The following CNTNAP2 variants were observed in gnomAD, a reference collection of about 807,000 sequenced individuals.
CNTNAP2 encodes the protein contactin associated protein 2, also known as contactin-associated protein-like 2.
CNTNAP2 carries 98 observed loss-of-function variants against 155.2 expected under a neutral mutation model. The ratio of observed to expected loss-of-function variants is 0.63; its 90% CI spans 0.54 to 0.75. The LOEUF (loss-of-function observed/expected upper bound fraction) is 0.75, where lower values mean the gene tolerates loss of function less well. CNTNAP2 is among the 30% of genes least tolerant of loss of function. The pLI, the probability that CNTNAP2 is intolerant of heterozygous loss-of-function variation, is 0.00. For synonymous variants in CNTNAP2, 651 were observed against 631.2 expected (o/e 1.03, Z -0.47); for missense variants, 1,727 against 1,688.1 (o/e 1.02, Z -0.40).
intron 10 of CNTNAP2, among the ~76,000 whole-genome samples, chr7:147,440,846 C>T (rs770781006): frequency 2.0e-5 from 3 of 152,040 alleles, no homozygotes; most frequent in Non-Finnish European, 4.4e-5. Flanking sequence ...ATTGGAGCTC[C>T]GTTGCATGTT....
At chr7:147,516,932 G>C (rs1418486655) in intron 11 of CNTNAP2, among the ~76,000 whole-genome samples, 3 of 149,560 alleles carry the variant, frequency 2.0e-5, no homozygotes, top group African/African-American at 7.5e-5. Context: ...CGCAATCTCG[G>C]CTCACTGCGA....
At chr7:146,533,262 T>A (rs1797797806) in intron 1 of CNTNAP2, among the ~76,000 whole-genome samples, 1 of 152,006 alleles carries the variant, frequency 6.6e-6, no homozygotes. Flanking sequence ...TCTATGCAAG[T>A]GGGAAATTTG....
chr7:147,655,682 C>A (rs996776816), intron 13 of CNTNAP2, among the ~76,000 whole-genome samples: 1 of 152,264 alleles, frequency 6.6e-6, no homozygotes, highest in South Asian at 2.1e-4. Flanking sequence ...GTCCTCCAAG[C>A]TTTGTTGTTC....
intron 6 of CNTNAP2, among the ~76,000 whole-genome samples, chr7:147,127,790 G>C (rs992415689): frequency 6.6e-6 from 1 of 152,074 alleles, no homozygotes; most frequent in African/African-American, 2.4e-5. Flanking sequence ...AAAAAAAATA[G>C]ATAATGGTAA....
intron 22 of CNTNAP2, among the ~76,000 whole-genome samples, chr7:148,398,414 A>AG (rs1483714015): frequency 6.6e-6 from 1 of 152,228 alleles, no homozygotes; most frequent in Non-Finnish European, 1.5e-5. Flanking sequence ...TGAGATACCG[A>AG]GGTTCCAGCA....
chr7:147,555,844 T>C (rs964479920), intron 11 of CNTNAP2, among the ~76,000 whole-genome samples: 2 of 152,216 alleles, frequency 1.3e-5, no homozygotes, highest in African/African-American at 4.8e-5. Flanking sequence ...ATCAGCGTCA[T>C]GGAACTCTAG....
chr7:148,106,347 A>G lies in CNTNAP2; in HGVS notation c.2384-11771A>G, dbSNP rs1191471796. Among the ~76,000 whole-genome samples, 5 of 151,362 alleles carry G rather than the reference A, an allele frequency of 3.3e-5. No homozygotes were observed. The East Asian group carries it at 9.6e-4, about 29-fold the overall frequency. ...TGGGAATCGTTAACATATGATTAGTACTTGAAATCATGAAATGGGTGAAAA... is the reference window on the plus strand; with the variant it reads ...TGGGAATCGTTAACATATGATTAGTGCTTGAAATCATGAAATGGGTGAAAA... On this transcript the variant is annotated intron_variant, in intron 15 of 23. Transcript: ENST00000361727.
At chr7:146,665,534 C>A (rs139341653) in intron 1 of CNTNAP2, among the ~76,000 whole-genome samples, 7,349 of 151,504 alleles carry the variant, frequency 0.049, 643 homozygotes, top group African/African-American at 0.17. Context: ...GTAATCCCAG[C>A]ACTTTGGGAG....
chr7:146,754,546 C>A (rs1413527336), intron 1 of CNTNAP2, among the ~76,000 whole-genome samples: 1 of 132,290 alleles, frequency 7.6e-6, no homozygotes, highest in Non-Finnish European at 1.6e-5. Context: ...CTCTCTCTCT[C>A]TCTCTCTGTC....
intron 21 of CNTNAP2, among the ~76,000 whole-genome samples, chr7:148,298,003 C>T (rs1019495138): frequency 5.3e-5 from 8 of 151,856 alleles, no homozygotes; most frequent in Non-Finnish European, 1.0e-4. Flanking sequence ...CACAAAAACA[C>T]GATCACCAAA....
At chr7:146,872,517 A>T (rs1358213104) in intron 3 of CNTNAP2, among the ~76,000 whole-genome samples, 1 of 152,172 alleles carries the variant, frequency 6.6e-6, no homozygotes, top group East Asian at 1.9e-4. Flanking sequence ...ATTGTCAGTT[A>T]TTGAGTTTCT....
intron 15 of CNTNAP2, among the ~76,000 whole-genome samples, chr7:148,070,699 C>G (rs1803364320): frequency 6.6e-6 from 1 of 152,178 alleles, no homozygotes; most frequent in African/African-American, 2.4e-5. Flanking sequence ...GCCTGGGTGA[C>G]AGAGCGAGAC....
At chr7:147,901,452 T>C (rs1265191725) in intron 13 of CNTNAP2, among the ~76,000 whole-genome samples, 2 of 152,354 alleles carry the variant, frequency 1.3e-5, no homozygotes, top group Admixed American at 1.3e-4. Flanking sequence ...TATTTTGCAA[T>C]GTGACCTTCA....
At chr7:146,854,797 T>C (rs559402560) in intron 3 of CNTNAP2, among the ~76,000 whole-genome samples, 22 of 152,170 alleles carry the variant, frequency 1.4e-4, no homozygotes, top group Non-Finnish European at 2.8e-4. Context: ...TTGTGTGCAG[T>C]TGGCATGCAC....
At chr7:146,785,020 A>G (rs1802552248) in intron 2 of CNTNAP2, among the ~76,000 whole-genome samples, 1 of 149,912 alleles carries the variant, frequency 6.7e-6, no homozygotes, top group Non-Finnish European at 1.5e-5. Context: ...CCCAGGCTAG[A>G]GTGCAGTGGC....
intron 15 of CNTNAP2, among the ~76,000 whole-genome samples, chr7:148,024,173 A>AAAAACAAAAAAC (rs1802335313): frequency 1.4e-5 from 2 of 147,984 alleles, no homozygotes; most frequent in East Asian, 4.5e-4. Flanking sequence ...AAAAAAAAAA[A>AAAAACAAAAAAC]AAAAAACTTT....
rs1432868285 is a variant in CNTNAP2 at position 146,757,041 on chromosome 7, TAA to T, written c.98-17227_98-17226del. 2.0e-5 allele frequency among the ~76,000 whole-genome samples: 3 copies of T among 152,250 alleles called. No homozygotes were observed. The East Asian group carries it at 5.8e-4, about 29-fold the overall frequency. ...AATTCCCTTAAGGATGCATCATTTT[TAA>T]AAGTTTCTTAATATGAACATTTCGA... On this transcript the variant is annotated intron_variant, in intron 1 of 23. Coordinates refer to ENST00000361727, the MANE Select transcript of CNTNAP2 (RefSeq NM_014141.6).
At chr7:147,229,967 C>G (rs1417530085) in intron 8 of CNTNAP2, among the ~76,000 whole-genome samples, 1 of 152,062 alleles carries the variant, frequency 6.6e-6, no homozygotes. Context: ...ATAGTTGAAA[C>G]TTACTATACA....
chr7:146,166,017 T>G (rs1798307162), intron 1 of CNTNAP2, among the ~76,000 whole-genome samples: 1 of 152,190 alleles, frequency 6.6e-6, no homozygotes, highest in Non-Finnish European at 1.5e-5. Context: ...ATTATAGGTT[T>G]ATTTTGTTAC....
Sources: allele counts gnomAD v4.1 joint callset (sites outside exome capture counted in the v4.1 genomes callset), GRCh38; gene constraint gnomAD v4.1.1; transcripts MANE v1.5; gene names NCBI Gene and HGNC (gene_info 2026-07-23, HGNC 2026-07-21).